The following SLC25A48 variants were observed in gnomAD, a reference collection of about 807,000 sequenced individuals.
The protein encoded by SLC25A48 is solute carrier family 25 member 48.
A neutral mutation model predicts 32.2 loss-of-function variants in SLC25A48; 29 were observed. That is an observed-to-expected ratio of 0.90 (90% CI 0.67 to 1.23). The LOEUF is 1.23. SLC25A48 is among the 50% of genes most tolerant of loss of function. The pLI, the probability that SLC25A48 is intolerant of heterozygous loss-of-function variation, is 0.00. For synonymous variants in SLC25A48, 164 were observed against 172.3 expected (o/e 0.95, Z 0.38); for missense variants, 399 against 422.7 (o/e 0.94, Z 0.49).
At chr5:135,679,891 C>T (rs558445379) in intron 3 of SLC25A48, among the ~76,000 whole-genome samples, 2 of 152,122 alleles carry the variant, frequency 1.3e-5, no homozygotes, top group African/African-American at 2.4e-5. Flanking sequence ...AGAGCAATGC[C>T]TTCACATGGT....
chr5:135,868,671 C>T (rs1189321319), intron 4 of SLC25A48, among the ~76,000 whole-genome samples: 1 of 79,468 alleles, frequency 1.3e-5, no homozygotes, highest in African/African-American at 3.5e-5. Flanking sequence ...TACACACACA[C>T]ACACATACAC....
intron 6 of SLC25A48, among the ~76,000 whole-genome samples, chr5:135,877,952 G>A (rs1367668949): frequency 2.6e-5 from 4 of 152,208 alleles, no homozygotes; most frequent in Non-Finnish European, 4.4e-5. Context: ...AACCTTCCCA[G>A]AGTGTCAGCT....
chr5:135,864,597 T>C (rs1761051567), intron 4 of SLC25A48, among the ~76,000 whole-genome samples: 2 of 152,290 alleles, frequency 1.3e-5, no homozygotes, highest in South Asian at 2.1e-4. Flanking sequence ...GCTGGAGCAA[T>C]GGCAGCCCAG....
chr5:135,592,111 C>T (rs971198484), intron 1 of SLC25A48, among the ~76,000 whole-genome samples: 2 of 152,188 alleles, frequency 1.3e-5, no homozygotes, highest in Non-Finnish European at 2.9e-5. Flanking sequence ...CCCAAGGTCC[C>T]TTAGTGCCAA....
chr5:135,818,095 CTCTCTCTCTCTCTCTCTCTCTCT>C (rs1757780616), intron 4 of SLC25A48, among the ~76,000 whole-genome samples: 11 of 144,698 alleles, frequency 7.6e-5, no homozygotes, highest in African/African-American at 2.1e-4. Context: ...CTCTCTCTCT[CTCTCTCTCTCTCTCTCTCTCTCT>C]CCCTCTGTTT....
At chr5:135,764,726 G>C (rs186149184) in intron 3 of SLC25A48, among the ~76,000 whole-genome samples, 1 of 144,470 alleles carries the variant, frequency 6.9e-6, no homozygotes, top group East Asian at 2.2e-4. Context: ...AGTGATTTTT[G>C]TCTCCATATC....
intron 4 of SLC25A48, 82 bp from the exon 5 acceptor site, chr5:135,871,379 G>T (rs1260098860): frequency 1.4e-6 from 2 of 1,481,452 alleles, no homozygotes; most frequent in African/African-American, 1.4e-5. Context: ...CTGTCAAAGG[G>T]CTGGGCTGGC....
At chr5:135,766,071 C>G (rs758109042) in intron 3 of SLC25A48, among the ~76,000 whole-genome samples, 2 of 151,030 alleles carry the variant, frequency 1.3e-5, no homozygotes, top group Admixed American at 1.3e-4. Flanking sequence ...TAGTATCCAG[C>G]GGGAGAGAGT....
At chr5:135,580,865 G>T (rs1451481665) in intron 1 of SLC25A48, among the ~76,000 whole-genome samples, 1 of 152,106 alleles carries the variant, frequency 6.6e-6, no homozygotes, top group Non-Finnish European at 1.5e-5. Flanking sequence ...TAACCTGCTT[G>T]CTATACCTAT....
intron 3 of SLC25A48, among the ~76,000 whole-genome samples, chr5:135,732,718 G>A (rs375647066): frequency 3.3e-5 from 5 of 152,190 alleles, no homozygotes; most frequent in South Asian, 2.1e-4. Flanking sequence ...AGGCTGCGAG[G>A]AGATATTTTC....
intron 4 of SLC25A48, among the ~76,000 whole-genome samples, chr5:135,869,970 G>T (rs1761506502): frequency 6.6e-6 from 1 of 152,202 alleles, no homozygotes. Flanking sequence ...TCCCAGGCAC[G>T]CAGAAACCAC....
At chr5:135,822,056 C>T (rs1197827772) in intron 4 of SLC25A48, 2 of 152,156 alleles carry the variant, frequency 1.3e-5, no homozygotes, top group African/African-American at 2.4e-5. Flanking sequence ...CCGGGGCCCT[C>T]GCAGGAAAGA....
At chr5:135,700,198 C>T (rs1754357166) in intron 3 of SLC25A48, among the ~76,000 whole-genome samples, 1 of 151,328 alleles carries the variant, frequency 6.6e-6, no homozygotes, top group Admixed American at 6.6e-5. Context: ...ATAGCAAAAC[C>T]CCATCTCTAC....
At chr5:135,853,946 G>A (rs1356056007) in intron 4 of SLC25A48, among the ~76,000 whole-genome samples, 1 of 152,212 alleles carries the variant, frequency 6.6e-6, no homozygotes, top group East Asian at 1.9e-4. Flanking sequence ...GCTGCCGAAT[G>A]GATGCTGTGT....
intron 3 of SLC25A48, among the ~76,000 whole-genome samples, chr5:135,769,830 C>G (rs982701163): frequency 2.6e-5 from 4 of 151,566 alleles, no homozygotes; most frequent in African/African-American, 9.7e-5. Context: ...GGAGTTTACA[C>G]CCCCTGTGAT....
intron 3 of SLC25A48, among the ~76,000 whole-genome samples, chr5:135,760,121 G>A (rs1033311910): frequency 6.6e-6 from 1 of 152,062 alleles, no homozygotes; most frequent in Non-Finnish European, 1.5e-5. Context: ...GTGAGCCACC[G>A]CGCCCGGCCC....
intron 1 of SLC25A48, among the ~76,000 whole-genome samples, chr5:135,588,378 G>T (rs1351901791): frequency 6.6e-6 from 1 of 152,242 alleles, no homozygotes; most frequent in Admixed American, 6.5e-5. Flanking sequence ...CTGAAATGGG[G>T]GGTTTATTTT....
chr5:135,736,923 A>G (rs1755374920), intron 3 of SLC25A48, among the ~76,000 whole-genome samples: 1 of 152,112 alleles, frequency 6.6e-6, no homozygotes. Flanking sequence ...GGAGAAGAGA[A>G]TAAAAAGAGG....
chr5:135,637,884 C>T (rs954639808), intron 3 of SLC25A48, among the ~76,000 whole-genome samples: 2 of 152,126 alleles, frequency 1.3e-5, no homozygotes, highest in African/African-American at 2.4e-5. Context: ...AGCTCAAGTA[C>T]TTTGATTCCT....
Sources: gnomAD v4.1 joint callset for allele counts (sites outside exome capture counted in the v4.1 genomes callset) on GRCh38, gnomAD v4.1.1 for gene constraint, MANE v1.5 for transcripts, NCBI Gene and HGNC (gene_info 2026-07-23, HGNC 2026-07-21) for gene names.